Variants in KIF17 observed in about 807,000 individuals in gnomAD.
KIF17 encodes kinesin-like protein KIF17.
Under a neutral mutation model 96.8 loss-of-function variants are expected in KIF17, and 80 were observed. That is an observed-to-expected ratio of 0.83 (90% confidence interval 0.69 to 1.00). The LOEUF is 1.00. KIF17 is among the 50% of genes least tolerant of loss of function. The pLI is 0.00. For missense variants in KIF17, 1,280 were observed against 1,372.9 expected (o/e 0.93, Z 1.07); for synonymous variants, 567 against 587.5 (o/e 0.97, Z 0.51).
At position 20,684,897 on chromosome 1, in the gene KIF17, C is replaced by A; in HGVS notation, c.2143G>T (p.Gly715Cys). 6.3e-7 allele frequency: 1 copy of A among 1,597,586 alleles called. No homozygotes were observed. The highest frequency in any genetic ancestry group is 8.5e-7 in the Non-Finnish European group (1 of 1,172,208). ...AQPEPLPATA[G>C]VKRESVGMEV... ...ATGCCCACGCTCTCCCTCTTCACAC[C>A]AGCTGTGGCCGGCAGGGGCTCAGGC... Residue 715 changes from glycine to cysteine, a missense_variant, in exon 10 of 15, where the codon GGT (glycine) becomes TGT (cysteine). Physicochemically the swap from Gly to Cys is radical, Grantham distance 159. Transcript: ENST00000400463.
At chr1:20,662,456 C>G (rs895342341), downstream of KIF17, among the ~76,000 whole-genome samples, 3 of 152,174 alleles carry the variant, frequency 2.0e-5, no homozygotes, top group Non-Finnish European at 4.4e-5. Flanking sequence ...GAGCAAAAAT[C>G]AAAACCTCCC....
intron 8 of KIF17, chr1:20,686,362 G>A (rs566730049): frequency 1.2e-5 from 7 of 586,104 alleles, no homozygotes; most frequent in South Asian, 2.0e-5. Flanking sequence ...TGCCAGGAGC[G>A]TTGCCTGCAT....
At chr1:20,686,836 CA>C (rs1557591646) in intron 8 of KIF17, among the ~76,000 whole-genome samples, 1 of 152,204 alleles carries the variant, frequency 6.6e-6, no homozygotes, top group Non-Finnish European at 1.5e-5. Context: ...TCTGGGATTA[CA>C]GGCGTGAGCC....
At chr1:20,691,604 G>A (rs1056496103) in intron 6 of KIF17, among the ~76,000 whole-genome samples, 1 of 146,268 alleles carries the variant, frequency 6.8e-6, no homozygotes, top group African/African-American at 2.5e-5. Context: ...CAGTTCAGTT[G>A]TCCACCACCA....
In KIF17 at chr1:20,698,426, G is replaced by A. The variant is rs2054180104; in HGVS notation, c.1186C>T (p.Pro396Ser). Residue 396 changes from proline (P) to serine (S), a missense_variant, in exon 6 of 15, where the codon CCT (proline) becomes TCT (serine). Transcript: ENST00000400463. The part of the protein sequence containing the change: ...VQVEEKLLPQ[P>S]VIQHDVEAEK... ...GCCTCCACGTCATGCTGGATCACAGGTTGGGGCAACAGCTTCTCCTCCACC... is the reference window on the plus strand; with the variant it reads ...GCCTCCACGTCATGCTGGATCACAGATTGGGGCAACAGCTTCTCCTCCACC... 6.2e-7 allele frequency: 1 copy of A among 1,613,900 alleles called. No individual in the cohort carries two copies. The highest frequency in any genetic ancestry group is 8.5e-7 in the Non-Finnish European group (1 of 1,179,988).
intron 6 of KIF17, among the ~76,000 whole-genome samples, chr1:20,697,210 T>G (rs590902): frequency 4.9e-4 from 74 of 152,108 alleles, no homozygotes; most frequent in African/African-American, 1.7e-3. Flanking sequence ...TGGGAGGTGG[T>G]AGGTGAGTGG....
intron 14 of KIF17, 145 bp from the exon 15 acceptor site, chr1:20,664,907 C>CCA: frequency 1.3e-6 from 1 of 764,394 alleles, no homozygotes; most frequent in Non-Finnish European, 2.3e-6. Flanking sequence ...AGCTGGGACC[C>CCA]CAGGCTCTGC....
Position 20,717,462 on chromosome 1 carries a change from C to T in KIF17, c.231+14G>A. 1 of 1,609,484 alleles carries T rather than the reference C, an allele frequency of 6.2e-7. No individual in the cohort carries two copies. Among genetic ancestry groups the T allele is most frequent in the Middle Eastern group, 1.7e-4 (1 of 6,054 alleles). ...GCCCTGCCGCCTGCAGGGCGGCCTG[C>T]CGGGCGCCCTCACCTCCACCAGCGG... On this transcript the variant is annotated intron_variant, in intron 1 of 14. Transcript: ENST00000400463.
chr1:20,708,123 T>C (rs2054375557), intron 4 of KIF17, among the ~76,000 whole-genome samples: 1 of 152,040 alleles, frequency 6.6e-6, no homozygotes, highest in Non-Finnish European at 1.5e-5. Flanking sequence ...TCCTCCCTCC[T>C]GATCTGTCCT....
Position 20,672,155 on chromosome 1 carries a change from C to G in KIF17, c.2505G>C (p.Glu835Asp), listed in dbSNP as rs2053659579. The G allele has an allele frequency of 1.9e-6, 3 of 1,614,060 alleles. No individual in the cohort carries two copies. Among genetic ancestry groups the G allele is most frequent in the Non-Finnish European group, 1.7e-6 (2 of 1,180,052 alleles). ...AGTAATCGATCTTCTCCAGCTGAAA[C>G]TCGGACTGCAGATCTTTGATCTCCA... The part of the protein sequence containing the change: ...AEVEIKDLQS[E>D]FQLEKIDYLA... The change falls in exon 12 of 15, where the codon GAG becomes GAC. Residue 835 changes from glutamate (E) to aspartate (D), a missense_variant. By Grantham distance (45) the Glu-to-Asp change is conservative. Coordinates refer to ENST00000400463, the MANE Select transcript of KIF17 (RefSeq NM_001122819.3). The surrounding 1 kb of genome is among the most constrained non-coding windows in gnomAD (Gnocchi z 4.3).
chr1:20,666,508 G>T (rs1026218822), intron 13 of KIF17, among the ~76,000 whole-genome samples, 177 bp from the exon 14 acceptor site: 16 of 152,154 alleles, frequency 1.1e-4, no homozygotes, highest in Non-Finnish European at 1.8e-4. Flanking sequence ...TCCTGGACTC[G>T]GGGGTGGGAT....
rs372010892 is a variant in KIF17 at position 20,682,053 on chromosome 1, CA to C, written c.2463+599del. Among the ~76,000 whole-genome samples the C allele has an allele frequency of 5.6e-4, 85 of 152,276 alleles. 1 individual carries two copies. The highest frequency in any genetic ancestry group is 2.0e-3 in the African/African-American group (83 of 41,556). ...TCTCTTCACAGTACTGACCACTCCT[CA>C]ATATTCTCTTACTTATTTCTCTCCT... On this transcript the variant is annotated intron_variant, in intron 11 of 14. Transcript: ENST00000400463.
Position 20,713,531 on chromosome 1 carries a change from C to T in KIF17, c.403G>A (p.Val135Ile), listed in dbSNP as rs751773843. Residue 135 changes from valine (V) to isoleucine (I), a missense_variant, in exon 3 of 15, where the codon GTC becomes ATC. Physicochemically the swap from Val to Ile is conservative, Grantham distance 29. Transcript: ENST00000400463. ...TAGATCTCCAGGTAGGAGGCCCGGACCAGGAACTTAGTGTTCTCTGCACAC... is the reference window on the plus strand; with the variant it reads ...TAGATCTCCAGGTAGGAGGCCCGGATCAGGAACTTAGTGTTCTCTGCACAC... ...VQCAENTKFL[V>I]RASYLEIYNE... The T allele has an allele frequency of 6.2e-7, 1 of 1,612,366 alleles. No homozygotes were observed. The highest frequency in any genetic ancestry group is 8.5e-7 in the Non-Finnish European group (1 of 1,179,564).
In KIF17 at chr1:20,685,630, G is replaced by A. The variant is rs1330829238; in HGVS notation, c.2019+416C>T. On this transcript the variant is annotated intron_variant, in intron 9 of 14. Coordinates refer to ENST00000400463, the MANE Select transcript of KIF17 (RefSeq NM_001122819.3). This position sits in a 1 kb window ranked among gnomAD's most constrained non-coding sequence, Gnocchi z 4.1. Reference sequence around the variant, plus strand: ...CCCAGCCCACACTTGAGTCCAAACTGTCTTCTTCCTCTATAAATGTAGGGA... The same window carrying A: ...CCCAGCCCACACTTGAGTCCAAACTATCTTCTTCCTCTATAAATGTAGGGA... 1.3e-5 allele frequency among the ~76,000 whole-genome samples: 2 copies of A among 152,102 alleles called. No individual in the cohort carries two copies. Among genetic ancestry groups the A allele is most frequent in the Non-Finnish European group, 2.9e-5 (2 of 68,030 alleles).
At chr1:20,701,459 T>G (rs998999708) in intron 5 of KIF17, among the ~76,000 whole-genome samples, 7 of 151,776 alleles carry the variant, frequency 4.6e-5, no homozygotes, top group African/African-American at 1.7e-4. Context: ...ACAAATTGCA[T>G]GGCCAGGCTG....
rs902834093 is a variant in KIF17, at chr1:20,685,388, C to A, written c.2020-368G>T. Reference sequence around the variant, plus strand: ...CACTTTCCTCCCTGCCGGCTCCCTGCCTCCACGGCCTCCCCCGCCACCGTG... The same window carrying A: ...CACTTTCCTCCCTGCCGGCTCCCTGACTCCACGGCCTCCCCCGCCACCGTG... On this transcript the variant is annotated intron_variant, in intron 9 of 14. Transcript: ENST00000400463. This position sits in a 1 kb window ranked among gnomAD's most constrained non-coding sequence, Gnocchi z 4.1. The A allele has an allele frequency of 9.6e-6, 4 of 417,798 alleles. No homozygotes were observed. The highest frequency in any genetic ancestry group is 6.1e-5 in the African/African-American group (3 of 49,196). The allele number at this position is 417,798 out of a possible 1,614,324, so 25.9% of individuals were successfully genotyped here.
chr1:20,677,184 A>G (rs1386150321), intron 11 of KIF17, among the ~76,000 whole-genome samples: 1 of 152,176 alleles, frequency 6.6e-6, no homozygotes, highest in Non-Finnish European at 1.5e-5. Flanking sequence ...GCACTCTAGC[A>G]TGAGCAACAG....
At chr1:20,674,321 C>T (rs1009527789) in intron 11 of KIF17, among the ~76,000 whole-genome samples, 17 of 152,164 alleles carry the variant, frequency 1.1e-4, no homozygotes, top group Non-Finnish European at 2.4e-4. Flanking sequence ...AGTGCAGTGG[C>T]ATGATCTTGG....
At chr1:20,708,278 C>A (rs1277056980) in intron 4 of KIF17, among the ~76,000 whole-genome samples, 1 of 152,210 alleles carries the variant, frequency 6.6e-6, no homozygotes, top group African/African-American at 2.4e-5. Flanking sequence ...GGCCCAAGGC[C>A]AGGTCACCAC....
Sources: gnomAD v4.1 joint callset for allele counts (sites outside exome capture counted in the v4.1 genomes callset) on GRCh38, gnomAD v4.1.1 for gene constraint, Gnocchi (gnomAD v3.1) non-coding constraint, MANE v1.5 for transcripts, NCBI Gene and HGNC (gene_info 2026-07-23, HGNC 2026-07-21) for gene names.